Variants in NRXN1 observed in about 807,000 individuals in gnomAD.
NRXN1 encodes neurexin-1.
In NRXN1, 39 loss-of-function variants were observed where a neutral mutation model predicts 150.9. That is an observed-to-expected ratio of 0.26 (90% confidence interval 0.20 to 0.34). NRXN1 has a LOEUF of 0.34. NRXN1 is among the 10% of genes least tolerant of loss of function. The pLI, the probability that NRXN1 is intolerant of heterozygous loss-of-function variation, is 1.00. For synonymous variants in NRXN1, 924 were observed against 757.0 expected (o/e 1.22, Z -3.62); for missense variants, 1,815 against 1,949.9 (o/e 0.93, Z 1.30).
intron 21 of NRXN1, among the ~76,000 whole-genome samples, chr2:49,985,617 C>T (rs1388646565): frequency 6.6e-6 from 1 of 152,170 alleles, no homozygotes; most frequent in Non-Finnish European, 1.5e-5. Flanking sequence ...TTAAATGCTA[C>T]ATTAATTGCT....
chr2:50,242,769 G>T (rs2066137530), intron 17 of NRXN1, among the ~76,000 whole-genome samples: 1 of 151,704 alleles, frequency 6.6e-6, no homozygotes, highest in African/African-American at 2.4e-5. Flanking sequence ...ACTTCTGGTG[G>T]GAGGGGCAGA....
chr2:50,620,132 C>A lies in NRXN1; in HGVS notation c.1210G>T (p.Asp404Tyr). The change falls in exon 8 of 23, where the codon GAT becomes TAT. Residue 404 changes from aspartate (D) to tyrosine (Y), a missense_variant. Coordinates refer to ENST00000401669, the MANE Select transcript of NRXN1 (RefSeq NM_001330078.2). The part of the protein sequence containing the change: ...ILTTTGYTQE[D>Y]YTMLGSDDFF... The stretch of plus-strand genomic sequence containing the variant: ...TCATCAGACCCCAGCATGGTATAAT[C>A]TTCTTGCGTGTAGCCCGTTGTGGTA... The A allele has an allele frequency of 6.2e-7, 1 of 1,613,530 alleles. No homozygotes were observed. Among genetic ancestry groups the A allele is most frequent in the Non-Finnish European group, 8.5e-7 (1 of 1,179,664 alleles).
intron 17 of NRXN1, among the ~76,000 whole-genome samples, chr2:50,378,580 G>C (rs1289818183): frequency 6.6e-6 from 1 of 152,058 alleles, no homozygotes; most frequent in East Asian, 1.9e-4. Flanking sequence ...TCTACCCACA[G>C]TTGCACCACC....
intron 5 of NRXN1, among the ~76,000 whole-genome samples, chr2:50,867,932 G>C (rs949862971): frequency 3.3e-5 from 5 of 151,458 alleles, no homozygotes; most frequent in African/African-American, 9.7e-5. Flanking sequence ...TTTTTGAAGA[G>C]AAATTCCTTT....
chr2:50,581,194 T>C (rs950001477), intron 8 of NRXN1, among the ~76,000 whole-genome samples: 5 of 152,224 alleles, frequency 3.3e-5, no homozygotes, highest in African/African-American at 1.2e-4. Flanking sequence ...TTGAATTCTA[T>C]TGTCTGGCAC....
intron 17 of NRXN1, among the ~76,000 whole-genome samples, chr2:50,326,429 T>C (rs2076388040): frequency 6.6e-6 from 1 of 152,230 alleles, no homozygotes; most frequent in Admixed American, 6.5e-5. Context: ...AAGTACTTTT[T>C]CATAAGTATT....
intron 17 of NRXN1, among the ~76,000 whole-genome samples, chr2:50,447,470 ACT>A (rs1278489001): frequency 1.3e-4 from 13 of 99,644 alleles, no homozygotes; most frequent in South Asian, 3.8e-4. Flanking sequence ...ACAGAGTGAG[ACT>A]CTGTCTCAAA....
At chr2:50,926,566 G>C (rs995041020) in intron 2 of NRXN1, among the ~76,000 whole-genome samples, 2 of 151,982 alleles carry the variant, frequency 1.3e-5, no homozygotes, top group East Asian at 2.0e-4. Flanking sequence ...AATGAGAATA[G>C]TTTATTGGAA....
intron 17 of NRXN1, among the ~76,000 whole-genome samples, chr2:50,289,223 T>C (rs2072593036): frequency 6.6e-6 from 1 of 152,226 alleles, no homozygotes; most frequent in African/African-American, 2.4e-5. Context: ...AAGGTTAATA[T>C]TAAAAAGACA....
intron 5 of NRXN1, among the ~76,000 whole-genome samples, chr2:50,792,724 T>C (rs1180055928): frequency 6.6e-6 from 1 of 151,980 alleles, no homozygotes; most frequent in Non-Finnish European, 1.5e-5. Context: ...AAAAGCAAAT[T>C]AGATGAAATA....
chr2:50,054,096 A>G (rs1693220762), intron 20 of NRXN1, among the ~76,000 whole-genome samples: 1 of 152,294 alleles, frequency 6.6e-6, no homozygotes, highest in Admixed American at 6.5e-5. Context: ...TTTTGAAGGC[A>G]ATTATTCATT....
chr2:50,122,284 C>G (rs1347673684), intron 18 of NRXN1, among the ~76,000 whole-genome samples: 1 of 152,220 alleles, frequency 6.6e-6, no homozygotes, highest in Non-Finnish European at 1.5e-5. Flanking sequence ...AACTGAGATC[C>G]TCACCAGAGG....
At chr2:50,989,758 C>A (rs540468349) in intron 2 of NRXN1, among the ~76,000 whole-genome samples, 2 of 152,002 alleles carry the variant, frequency 1.3e-5, no homozygotes, top group South Asian at 2.1e-4. Context: ...CCACTCTAAA[C>A]GTTAGGTACA....
Position 51,029,187 on chromosome 2 carries a change from T to G in NRXN1, c.-914A>C, listed in dbSNP as rs1056750301. 3 of 152,266 alleles carry G rather than the reference T, an allele frequency of 2.0e-5. No homozygotes were observed. The highest frequency in any genetic ancestry group is 4.4e-5 in the Non-Finnish European group (3 of 68,054). The allele number at this position is 152,266 out of a possible 1,614,324, so 9.4% of individuals were successfully genotyped here. A position where few individuals can be genotyped will look rare whatever the true frequency, so the allele number is the denominator to read the frequency against. ...GTTTTATCTTGTCTTTTTTAAGGAC[T>G]CAGACATCTGCAGAGAATTAAAGTC... is the stretch of plus-strand genomic sequence containing the variant. On this transcript the variant is annotated 5_prime_UTR_variant, in exon 2 of 23. The change abolishes the stop of an existing upstream ORF in the 5' untranslated region. Coordinates refer to ENST00000401669, the MANE Select transcript of NRXN1 (RefSeq NM_001330078.2).
intron 17 of NRXN1, among the ~76,000 whole-genome samples, chr2:50,410,528 C>A (rs1412703365): frequency 6.6e-6 from 1 of 152,178 alleles, no homozygotes; most frequent in Non-Finnish European, 1.5e-5. Context: ...AAGAACTATT[C>A]ACACACTCAT....
intron 5 of NRXN1, among the ~76,000 whole-genome samples, chr2:50,837,225 T>G (rs199536530): frequency 6.6e-6 from 1 of 152,182 alleles, no homozygotes; most frequent in Non-Finnish European, 1.5e-5. Context: ...TATCTACTCA[T>G]AGCCAAGTGA....
intron 18 of NRXN1, among the ~76,000 whole-genome samples, chr2:50,206,891 C>T (rs2062623609): frequency 6.6e-6 from 1 of 150,860 alleles, no homozygotes; most frequent in Admixed American, 6.6e-5. Context: ...AGTACACACA[C>T]ACACACACAC....
intron 5 of NRXN1, among the ~76,000 whole-genome samples, chr2:50,819,947 C>T (rs1234310500): frequency 6.6e-6 from 1 of 152,062 alleles, no homozygotes; most frequent in Non-Finnish European, 1.5e-5. Flanking sequence ...TCCTGGTACG[C>T]ACCAGCACCA....
chr2:50,661,645 C>T (rs1687319802), intron 5 of NRXN1, among the ~76,000 whole-genome samples: 1 of 152,036 alleles, frequency 6.6e-6, no homozygotes, highest in African/African-American at 2.4e-5. Flanking sequence ...ACATGAGTGA[C>T]AGCATCAATA....
Sources: gnomAD v4.1 joint callset for allele counts (sites outside exome capture counted in the v4.1 genomes callset) on GRCh38, gnomAD v4.1.1 for gene constraint, MANE v1.5 for transcripts, NCBI Gene and HGNC (gene_info 2026-07-23, HGNC 2026-07-21) for gene names.